Variants in ZNF654 observed in about 807,000 individuals in gnomAD.
ZNF654 encodes zinc finger protein 654.
A neutral mutation model predicts 95.3 loss-of-function variants in ZNF654; 19 were observed. The observed-to-expected ratio is 0.20, with a 90% confidence interval of 0.14 to 0.29. ZNF654 has a LOEUF of 0.29. Among genes scored for constraint, ZNF654 ranks in the 10% least tolerant of loss-of-function variants. The probability of loss-of-function intolerance (pLI) is 1.00; values close to 1 mark genes in which losing one functional copy is unlikely to be tolerated. For synonymous variants in ZNF654, 413 were observed against 457.9 expected (o/e 0.90, Z 1.25); for missense variants, 1,046 against 1,341.0 (o/e 0.78, Z 3.44).
Position 88,140,189 on chromosome 3 carries a change from G to GAC in ZNF654, c.2521_2522insCA (p.Ile841ThrfsTer31), listed in dbSNP as rs1707033553. 32 of 1,613,686 alleles carry GAC rather than the reference G, an allele frequency of 2.0e-5. No homozygotes were observed. Among genetic ancestry groups the GAC allele is most frequent in the Non-Finnish European group, 2.7e-5 (32 of 1,179,776 alleles). ...TTGCCCAGCACACAAAAAGTCACAGGATATTTCAGGCTCAGTGTAGTTTTC... is the reference window on the plus strand; with the variant it reads ...TTGCCCAGCACACAAAAAGTCACAGGACATATTTCAGGCTCAGTGTAGTTTTC... On this transcript the variant is annotated frameshift_variant, in exon 8 of 9. Coordinates refer to ENST00000636215, the MANE Select transcript of ZNF654 (RefSeq NM_001350134.2). LOFTEE classifies it high-confidence loss of function.
chr3:88,103,901 G>GGATTACA (rs1704583918), intron 2 of ZNF654, among the ~76,000 whole-genome samples: 1 of 151,600 alleles, frequency 6.6e-6, no homozygotes, highest in South Asian at 2.1e-4. Flanking sequence ...CAAGTAGCTG[G>GGATTACA]GATTACAGGT....
At chr3:88,088,142 C>T (rs1708433693) in intron 2 of ZNF654, among the ~76,000 whole-genome samples, 3 of 152,174 alleles carry the variant, frequency 2.0e-5, no homozygotes, top group African/African-American at 7.2e-5. Context: ...CCTTTGCATT[C>T]TGGCATTTAC....
In ZNF654 at chr3:88,139,918, C is replaced by T. The variant is rs371749343; in HGVS notation, c.2249C>T (p.Ala750Val). ...CAAGAAGGAAACTTTAAGTGTCCTGCTCTTGGTTGTGTCCGGATATTTAAA... is the reference window on the plus strand; with the variant it reads ...CAAGAAGGAAACTTTAAGTGTCCTGTTCTTGGTTGTGTCCGGATATTTAAA... ...TDQEGNFKCP[A>V]LGCVRIFKRI... The change falls in exon 8 of 9, where the codon GCT (alanine) becomes GTT (valine). Residue 750 changes from alanine to valine, a missense_variant. Ala to Val is a moderately conservative substitution (Grantham distance 64). Around this residue, in one of 9 missense-constraint regions of ZNF654, gnomAD observed 495 missense variants for 537.0 expected, o/e 0.92. Transcript: ENST00000636215. 1 of 1,613,564 alleles carries T rather than the reference C, an allele frequency of 6.2e-7. No individual in the cohort carries two copies. The highest frequency in any genetic ancestry group is 8.5e-7 in the Non-Finnish European group (1 of 1,179,744).
At chr3:88,090,187 A>T (rs546986023) in intron 2 of ZNF654, among the ~76,000 whole-genome samples, 1 of 152,338 alleles carries the variant, frequency 6.6e-6, no homozygotes, top group Admixed American at 6.5e-5. Flanking sequence ...AGCCACAGGC[A>T]GGTTCTTCTG....
chr3:88,064,458 T>C (rs959676397), intron 1 of ZNF654, among the ~76,000 whole-genome samples: 6 of 152,184 alleles, frequency 3.9e-5, no homozygotes, highest in Admixed American at 6.5e-5. Flanking sequence ...TTAGTTGCCA[T>C]TGTTTTGTTA....
At chr3:88,137,513 G>C (rs766243291) in intron 7 of ZNF654, among the ~76,000 whole-genome samples, 2 of 152,136 alleles carry the variant, frequency 1.3e-5, no homozygotes, top group Non-Finnish European at 2.9e-5. Flanking sequence ...ACTGTCACCT[G>C]TAATTTAGGA....
chr3:88,098,572 A>G (rs1704206038), intron 2 of ZNF654, among the ~76,000 whole-genome samples: 3 of 152,210 alleles, frequency 2.0e-5, no homozygotes, highest in Non-Finnish European at 2.9e-5. Context: ...CATTGATGCA[A>G]AAATCCTCAG....
chr3:88,082,455 C>T (rs937966271), intron 1 of ZNF654, among the ~76,000 whole-genome samples: 6 of 152,158 alleles, frequency 3.9e-5, no homozygotes, highest in Non-Finnish European at 5.9e-5. Flanking sequence ...TGGCTGGATT[C>T]GCTGTAAACA....
intron 2 of ZNF654, among the ~76,000 whole-genome samples, chr3:88,086,726 C>A (rs1425140731): frequency 5.3e-5 from 8 of 152,134 alleles, no homozygotes. Context: ...ATGATAGTTA[C>A]CAGAGAGACC....
intron 2 of ZNF654, among the ~76,000 whole-genome samples, chr3:88,100,542 A>G (rs920396172): frequency 2.6e-5 from 4 of 152,216 alleles, no homozygotes; most frequent in African/African-American, 9.6e-5. Flanking sequence ...TCACAATAGC[A>G]GAGACTTTGA....
Position 88,140,226 on chromosome 3 carries a change from G to A in ZNF654, c.2557G>A (p.Glu853Lys), listed in dbSNP as rs1372107816. 1.9e-6 allele frequency: 3 copies of A among 1,613,810 alleles called. No individual in the cohort carries two copies. The highest frequency in any genetic ancestry group is 1.1e-5 in the South Asian group (1 of 91,064). Residue 853 changes from glutamate to lysine, a missense_variant, in exon 8 of 9, where the codon GAG becomes AAG. Physicochemically the swap from Glu to Lys is moderately conservative, Grantham distance 56 (BLOSUM62 1). This residue lies in a region of ZNF654 where 495 missense variants were observed against 537.0 expected (regional missense o/e 0.92). Transcript: ENST00000636215. ...QAQCSFPECH[E>K]LFEDLPLLYE... is the part of the protein sequence containing the mutation. ...TCAGTGTAGTTTTCCAGAATGCCAT[G>A]AGCTTTTTGAAGATCTTCCTCTGCT...
chr3:88,099,285 G>A (rs1303792267), intron 2 of ZNF654, among the ~76,000 whole-genome samples: 4 of 152,036 alleles, frequency 2.6e-5, no homozygotes, highest in Non-Finnish European at 4.4e-5. Flanking sequence ...GGATGTGAAG[G>A]ACCTCTTCAA....
At chr3:88,074,520 T>G (rs1707692927) in intron 1 of ZNF654, among the ~76,000 whole-genome samples, 4 of 152,024 alleles carry the variant, frequency 2.6e-5, no homozygotes, top group African/African-American at 9.7e-5. Flanking sequence ...TTTTATATTT[T>G]TAGTAGAGAC....
chr3:88,137,935 T>A (rs1706896836), intron 7 of ZNF654, among the ~76,000 whole-genome samples: 1 of 152,088 alleles, frequency 6.6e-6, no homozygotes, highest in African/African-American at 2.4e-5. Flanking sequence ...TATTATGGTG[T>A]CTCCTCCAAT....
chr3:88,074,172 C>G (rs1396005623), intron 1 of ZNF654, among the ~76,000 whole-genome samples: 3 of 152,080 alleles, frequency 2.0e-5, no homozygotes, highest in Non-Finnish European at 4.4e-5. Flanking sequence ...AAATTCTTCC[C>G]CTTCTAGAGT....
Position 88,138,773 on chromosome 3 carries a change from T to C in ZNF654, c.1104T>C (p.Asp368=). 8.1e-7 allele frequency: 1 copy of C among 1,232,098 alleles called. No individual in the cohort carries two copies. Among genetic ancestry groups the C allele is most frequent in the Non-Finnish European group, 1.0e-6 (1 of 987,904 alleles). The allele number at this position is 1,232,098 out of a possible 1,614,324, so 76.3% of individuals were successfully genotyped here. The change falls in exon 8 of 9, where the codon GAT becomes GAC. Residue 368 remains aspartate, a synonymous_variant. Transcript: ENST00000636215. ...CGCALQLDLH[D]DPKTKCLIYK... is the part of the protein sequence containing the mutation. ...GTGCTCTACAACTCGACCTTCATGA[T>C]GATCCCAAAACTAAATGTCTAATTT...
Position 88,140,992 on chromosome 3 carries a change from C to G in ZNF654, c.3323C>G (p.Ala1108Gly). The G allele has an allele frequency of 6.2e-6, 10 of 1,612,516 alleles. No individual in the cohort carries two copies. The highest frequency in any genetic ancestry group is 8.5e-6 in the Non-Finnish European group (10 of 1,179,200). The part of the protein sequence containing the change: ...TTYCNAEALE[A>G]HLAQKKCQTL... ...TACTGTAATGCAGAAGCACTTGAGG[C>G]TCATCTTGCACAAAAGAAATGTCAG... is the stretch of plus-strand genomic sequence containing the variant. The change falls in exon 8 of 9, where the codon GCT becomes GGT. Residue 1108 changes from alanine to glycine, a missense_variant. Physicochemically the swap from Ala to Gly is moderately conservative, Grantham distance 60. Around this residue, in one of 9 missense-constraint regions of ZNF654, gnomAD observed 59 missense variants for 73.0 expected, o/e 0.81. Coordinates refer to ENST00000636215, the MANE Select transcript of ZNF654 (RefSeq NM_001350134.2).
intron 1 of ZNF654, among the ~76,000 whole-genome samples, chr3:88,061,795 A>G (rs1706900382): frequency 6.6e-6 from 1 of 152,204 alleles, no homozygotes; most frequent in Non-Finnish European, 1.5e-5. Flanking sequence ...TATTAAGTAT[A>G]ATAATTTGTT....
rs746582114 is a variant in ZNF654, at chr3:88,140,714, A to G, written c.3045A>G (p.Pro1015=). 1.2e-6 allele frequency: 2 copies of G among 1,613,650 alleles called. No homozygotes were observed. Among genetic ancestry groups the G allele is most frequent in the East Asian group, 4.5e-5 (2 of 44,890 alleles). Residue 1015 remains proline (P), a synonymous_variant, in exon 8 of 9, where the codon CCA becomes CCG. Coordinates refer to ENST00000636215, the MANE Select transcript of ZNF654 (RefSeq NM_001350134.2). ...ENGSILPSVV[P]QEHNTLPVSQ... is the part of the protein sequence containing the mutation. ...GTTCCATTTTGCCCAGTGTTGTACC[A>G]CAAGAACACAACACCTTGCCAGTAT... is the stretch of plus-strand genomic sequence containing the variant.
Sources: gnomAD v4.1 joint callset for allele counts (sites outside exome capture counted in the v4.1 genomes callset) on GRCh38, gnomAD v4.1.1 for gene constraint, gnomAD v4.1.1 regional missense constraint, MANE v1.5 for transcripts, NCBI Gene and HGNC (gene_info 2026-07-23, HGNC 2026-07-21) for gene names.